KDM6A: variants seen among roughly 807,000 people sequenced by gnomAD.
KDM6A encodes lysine-specific demethylase 6A.
A neutral mutation model predicts 117.6 loss-of-function variants in KDM6A; 11 were observed. The observed-to-expected ratio is 0.09, with a 90% CI of 0.06 to 0.15. The LOEUF (loss-of-function observed/expected upper bound fraction) is 0.15. KDM6A is among the 10% of genes least tolerant of loss of function. The probability of loss-of-function intolerance (pLI) is 1.00; values close to 1 mark genes in which losing one functional copy is unlikely to be tolerated. For missense variants in KDM6A, 799 were observed against 1,077.3 expected (o/e 0.74, Z 3.62); for synonymous variants, 384 against 396.1 (o/e 0.97, Z 0.36).
At chrX:45,051,217 C>A (rs1243439709) in intron 8 of KDM6A, among the ~76,000 whole-genome samples, 2 of 111,033 alleles carry the variant, frequency 1.8e-5, no homozygotes, top group Non-Finnish European at 3.8e-5. Context: ...ACTATGTTGG[C>A]CAGGCTGGTC....
chrX:44,989,302 C>T (rs1392128200), intron 4 of KDM6A, among the ~76,000 whole-genome samples: 3 of 104,446 alleles, frequency 2.9e-5, no homozygotes, highest in Non-Finnish European at 5.9e-5. Context: ...CCGTCTGTCA[C>T]CCCTTTCTTT....
chrX:44,922,321 T>C (rs1452845333), intron 2 of KDM6A, among the ~76,000 whole-genome samples: 1 of 108,790 alleles, frequency 9.2e-6, no homozygotes, highest in African/African-American at 3.3e-5. Flanking sequence ...CCCAAAGTAC[T>C]GGGCCTCATT....
chrX:45,065,725 C>G (rs148206291), intron 17 of KDM6A, among the ~76,000 whole-genome samples: 50 of 111,946 alleles, frequency 4.5e-4, no homozygotes, highest in African/African-American at 1.6e-3. Context: ...TCAGTGAGAA[C>G]AGATTGAGAA....
chrX:45,024,110 G>A (rs1205556714), intron 6 of KDM6A, among the ~76,000 whole-genome samples: 1 of 112,187 alleles, frequency 8.9e-6, no homozygotes, highest in African/African-American at 3.2e-5. Context: ...GTGTGCAAGT[G>A]TCTTCTTTAT....
rs1215523239 is a variant in KDM6A at position 44,962,060 on chromosome X, C to T, written c.334+668C>T. The stretch of plus-strand genomic sequence containing the variant: ...CATTAAAAGAAAATTATTATTATGA[C>T]CAAGAACATTTTAACCTTTTGATGA... On this transcript the variant is annotated intron_variant, in intron 3 of 29. Transcript: ENST00000611820. 5.4e-5 allele frequency among the ~76,000 whole-genome samples: 6 copies of T among 111,509 alleles called. No individual in the cohort carries two copies. The East Asian group carries it at 1.7e-3, about 31-fold the overall frequency.
intron 2 of KDM6A, among the ~76,000 whole-genome samples, chrX:44,900,682 A>T (rs2034281260): frequency 9.0e-6 from 1 of 111,226 alleles, no homozygotes; most frequent in Admixed American, 9.6e-5. Context: ...GCGGATCATG[A>T]GGTCAGGAGT....
intron 4 of KDM6A, among the ~76,000 whole-genome samples, chrX:45,001,631 A>C (rs753150438): frequency 1.8e-5 from 2 of 112,069 alleles, no homozygotes; most frequent in Non-Finnish European, 3.8e-5. Flanking sequence ...GTTTGAGGCA[A>C]AATTGACTTG....
At chrX:44,903,365 G>A (rs913124566) in intron 2 of KDM6A, among the ~76,000 whole-genome samples, 3 of 111,732 alleles carry the variant, frequency 2.7e-5, no homozygotes, top group African/African-American at 6.5e-5. Flanking sequence ...CACTTCTTTC[G>A]TGTTTTCAAG....
At chrX:45,083,633 T>G (rs1569538538) in intron 24 of KDM6A, 25 bp downstream of exon 24, 3 of 1,169,841 alleles carry the variant, frequency 2.6e-6, no homozygotes, top group Non-Finnish European at 3.5e-6. Context: ...CTAACATATC[T>G]TGTTAAAATG....
At chrX:44,996,254 G>T (rs2040856916) in intron 4 of KDM6A, among the ~76,000 whole-genome samples, 1 of 109,165 alleles carries the variant, frequency 9.2e-6, no homozygotes, top group South Asian at 4.1e-4. Flanking sequence ...TAAGTTTTTT[G>T]TAGAGAATGA....
rs779667556 is a variant in KDM6A at position 44,952,890 on chromosome X, C to T, written c.226-8394C>T. ...CTCCTGGGCTTAAGTGATCCTACCA[C>T]CTCTCAGCCTCCTGAGTAGCTGGGA... is the stretch of plus-strand genomic sequence containing the variant. On this transcript the variant is annotated intron_variant, in intron 2 of 29. Coordinates refer to ENST00000611820, the MANE Select transcript of KDM6A (RefSeq NM_001291415.2). 3.6e-5 allele frequency among the ~76,000 whole-genome samples: 4 copies of T among 109,768 alleles called. No individual in the cohort carries two copies. In the South Asian group the frequency reaches 1.6e-3, roughly 44 times the overall value.
chrX:45,011,139 C>A, intron 5 of KDM6A, 120 bp downstream of exon 5: 1 of 512,203 alleles, frequency 2.0e-6, no homozygotes, highest in Non-Finnish European at 3.3e-6. Flanking sequence ...TGTCATTAAA[C>A]CTACACTTTT....
chrX:44,961,581 C>T (rs556283387), intron 3 of KDM6A, among the ~76,000 whole-genome samples, 189 bp downstream of exon 3: 209 of 111,955 alleles, frequency 1.9e-3, no homozygotes, highest in South Asian at 7.7e-3. Context: ...GTGAAAACCA[C>T]CTGCATGTTC....
intron 2 of KDM6A, among the ~76,000 whole-genome samples, chrX:44,898,790 T>C (rs1207083700): frequency 3.6e-5 from 4 of 110,255 alleles, no homozygotes; most frequent in Admixed American, 2.9e-4. Context: ...ATCAATTCCC[T>C]GTTTTGTCTT....
At chrX:45,019,474 TAATG>T (rs2042092389) in intron 5 of KDM6A, among the ~76,000 whole-genome samples, 1 of 111,998 alleles carries the variant, frequency 8.9e-6, no homozygotes, top group African/African-American at 3.2e-5. Context: ...GGGAAGTAAA[TAATG>T]TATGAATTGA....
chrX:44,882,292 TTCA>T (rs758854368), intron 2 of KDM6A, among the ~76,000 whole-genome samples: 2 of 112,012 alleles, frequency 1.8e-5, no homozygotes, highest in Non-Finnish European at 3.8e-5. Context: ...CCAGTCCTGT[TTCA>T]TCTATATATA....
At chrX:44,910,284 T>G (rs2035005213) in intron 2 of KDM6A, among the ~76,000 whole-genome samples, 2 of 111,499 alleles carry the variant, frequency 1.8e-5, no homozygotes, top group African/African-American at 3.3e-5. Flanking sequence ...CCTCCCGGGT[T>G]CAAGCAATTC....
At chrX:44,907,048 C>T (rs2034722524) in intron 2 of KDM6A, among the ~76,000 whole-genome samples, 1 of 111,180 alleles carries the variant, frequency 9.0e-6, no homozygotes, top group African/African-American at 3.3e-5. Flanking sequence ...TCTCCATTTG[C>T]CCCTGCATTT....
chrX:45,056,325 CA>C (rs1289789492), intron 10 of KDM6A, among the ~76,000 whole-genome samples: 1 of 111,529 alleles, frequency 9.0e-6, no homozygotes, highest in Non-Finnish European at 1.9e-5. Context: ...TTTAAAGCTC[CA>C]AATGAAGACC....
Sources: allele counts gnomAD v4.1 joint callset (sites outside exome capture counted in the v4.1 genomes callset), GRCh38; gene constraint gnomAD v4.1.1; transcripts MANE v1.5; gene names NCBI Gene and HGNC (gene_info 2026-07-23, HGNC 2026-07-21).